The following RAD51B variants were observed in gnomAD, a reference collection of about 807,000 sequenced individuals.
RAD51B encodes the protein DNA repair protein RAD51 homolog 2.
Under a neutral mutation model 42.2 loss-of-function variants are expected in RAD51B, and 38 were observed. That is an observed-to-expected ratio of 0.90 (90% confidence interval 0.70 to 1.18). The LOEUF (loss-of-function observed/expected upper bound fraction) is 1.18, where lower values mean the gene tolerates loss of function less well. Ranked by LOEUF, RAD51B falls within the 50% of genes most tolerant of loss-of-function variation. The probability of loss-of-function intolerance (pLI) is 0.00; values close to 1 mark genes in which losing one functional copy is unlikely to be tolerated. For synonymous variants in RAD51B, 154 were observed against 145.2 expected (o/e 1.06, Z -0.43); for missense variants, 373 against 400.7 (o/e 0.93, Z 0.59).
intron 7 of RAD51B, among the ~76,000 whole-genome samples, chr14:67,967,295 A>C (rs1013089318): frequency 4.6e-5 from 7 of 152,120 alleles, no homozygotes; most frequent in Admixed American, 2.0e-4. Context: ...AGAGAGCCAA[A>C]CCTCATTCAG....
At chr14:67,851,264 G>A (rs1409747841) in intron 4 of RAD51B, among the ~76,000 whole-genome samples, 1 of 152,122 alleles carries the variant, frequency 6.6e-6, no homozygotes, top group Non-Finnish European at 1.5e-5. Flanking sequence ...AGTCTTGATG[G>A]GGCTGGATTG....
chr14:68,385,039 C>T (rs115849242), intron 8 of RAD51B, among the ~76,000 whole-genome samples: 1 of 152,134 alleles, frequency 6.6e-6, no homozygotes, highest in East Asian at 1.9e-4. Context: ...CAGAGATGGG[C>T]GAGTTAAGTT....
At chr14:68,113,346 G>A (rs1417974793) in intron 7 of RAD51B, among the ~76,000 whole-genome samples, 1 of 152,106 alleles carries the variant, frequency 6.6e-6, no homozygotes, top group African/African-American at 2.4e-5. Context: ...GTTCATAGAT[G>A]AAGAATTATA....
intron 10 of RAD51B, among the ~76,000 whole-genome samples, chr14:68,649,641 A>G (rs1892658929): frequency 6.6e-6 from 1 of 152,220 alleles, no homozygotes; most frequent in African/African-American, 2.4e-5. Context: ...ATCGTTGGTT[A>G]GCCAATAGAT....
intron 10 of RAD51B, among the ~76,000 whole-genome samples, chr14:68,522,454 T>C (rs1264163129): frequency 6.6e-6 from 1 of 152,138 alleles, no homozygotes; most frequent in Non-Finnish European, 1.5e-5. Flanking sequence ...ACCCTCACCG[T>C]TTCTGGGATG....
intron 7 of RAD51B, among the ~76,000 whole-genome samples, chr14:68,117,262 T>C (rs1190639448): frequency 1.3e-5 from 2 of 152,184 alleles, no homozygotes; most frequent in African/African-American, 4.8e-5. Context: ...CACAAAGGCC[T>C]TCCAACACAA....
At position 67,868,435 on chromosome 14, in the gene RAD51B, A is replaced by G. The variant is rs562657646; in HGVS notation, c.452+3296A>G. 7.1e-4 allele frequency among the ~76,000 whole-genome samples: 108 copies of G among 152,340 alleles called. 1 individual carries two copies. Among genetic ancestry groups the G allele is most frequent in the African/African-American group, 2.1e-3 (88 of 41,584 alleles). On this transcript the variant is annotated intron_variant, in intron 5 of 10. Transcript: ENST00000471583. ...TCCCGCACCTGGCTCAGAGGGTCCT[A>G]CGCCCATGGAGTCTCACTGATTGCT...
At chr14:67,962,262 C>T (rs1249678924) in intron 7 of RAD51B, among the ~76,000 whole-genome samples, 3 of 151,866 alleles carry the variant, frequency 2.0e-5, no homozygotes, top group African/African-American at 7.3e-5. Context: ...GGAAGTGGAC[C>T]CAACAAATCA....
chr14:68,498,903 G>A, intron 10 of RAD51B, among the ~76,000 whole-genome samples: 1 of 152,200 alleles, frequency 6.6e-6, no homozygotes, highest in East Asian at 1.9e-4. Flanking sequence ...CAGGGGACTG[G>A]GAACCCCTGG....
chr14:68,466,316 A>G (rs572926514), intron 9 of RAD51B, among the ~76,000 whole-genome samples: 1 of 152,310 alleles, frequency 6.6e-6, no homozygotes, highest in South Asian at 2.1e-4. Flanking sequence ...AGTGACAGGT[A>G]TTTTGTATAC....
rs765471138 is a variant in RAD51B at position 68,025,476 on chromosome 14, C to CTT, written c.756+138294_756+138295dup. Among the ~76,000 whole-genome samples the CTT allele has an allele frequency of 3.5e-3, 143 of 40,934 alleles. 1 individual carries two copies. Among genetic ancestry groups the CTT allele is most frequent in the Non-Finnish European group, 4.6e-3 (96 of 20,936 alleles). The allele number at this position is 40,934 out of a possible 152,430, so 26.9% of individuals were successfully genotyped here. On this transcript the variant is annotated intron_variant, in intron 7 of 10. Coordinates refer to ENST00000471583, the MANE Select transcript of RAD51B (RefSeq NM_133510.4). The stretch of plus-strand genomic sequence containing the variant: ...TGGCTGTGAATCCATCTGGTCTAGG[C>CTT]TTTTTTTTTTTTTTTTTTTTTTTGG...
At chr14:68,079,582 T>A (rs1363443046) in intron 7 of RAD51B, among the ~76,000 whole-genome samples, 2 of 152,210 alleles carry the variant, frequency 1.3e-5, no homozygotes, top group Non-Finnish European at 2.9e-5. Context: ...TATTTTAGAA[T>A]GTGAATGAGC....
chr14:68,490,306 C>T lies in RAD51B; in HGVS notation c.1036+22056C>T, dbSNP rs544965332. 2.6e-5 allele frequency among the ~76,000 whole-genome samples: 4 copies of T among 152,166 alleles called. No individual in the cohort carries two copies. In the East Asian group the frequency reaches 7.7e-4, roughly 29 times the overall value. The stretch of plus-strand genomic sequence containing the variant: ...TTATGTCATTGAAAATTAAAAATTT[C>T]TAGAGAGACTTTCAATGTGGAAATG... On this transcript the variant is annotated intron_variant, in intron 10 of 10. Transcript: ENST00000487270.
rs188429874 is a variant in RAD51B, at chr14:68,464,135, C to T, written c.958-4037C>T. Among the ~76,000 whole-genome samples the T allele has an allele frequency of 7.4e-4, 112 of 152,290 alleles. No homozygotes were observed. In the East Asian group the frequency reaches 0.02, roughly 28 times the overall value. On this transcript the variant is annotated intron_variant, in intron 9 of 10. Transcript: ENST00000471583. ...TGTAGGATTTGTTCCAACATTCTAA[C>T]CAAATTGAGATTTGTTTTGATATCA... is the stretch of plus-strand genomic sequence containing the variant.
At chr14:68,388,078 G>GTGTATATA (rs1555402265) in intron 8 of RAD51B, among the ~76,000 whole-genome samples, 1 of 112,234 alleles carries the variant, frequency 8.9e-6, no homozygotes, top group Non-Finnish European at 1.7e-5. Flanking sequence ...GTGTGTGTGT[G>GTGTATATA]TATATATATA....
intron 3 of RAD51B, among the ~76,000 whole-genome samples, chr14:67,831,043 T>C (rs1356358900): frequency 7.2e-6 from 1 of 138,870 alleles, no homozygotes; most frequent in Non-Finnish European, 1.6e-5. Flanking sequence ...GCCCGGTTAA[T>C]TTTTTATATT....
chr14:68,470,961 T>A (rs1028763941), intron 10 of RAD51B, among the ~76,000 whole-genome samples: 5 of 152,186 alleles, frequency 3.3e-5, no homozygotes, highest in African/African-American at 1.2e-4. Flanking sequence ...TCTTACCACA[T>A]GACCAAACTA....
At chr14:67,934,257 G>A (rs1471182041) in intron 7 of RAD51B, among the ~76,000 whole-genome samples, 2 of 152,182 alleles carry the variant, frequency 1.3e-5, no homozygotes, top group Admixed American at 6.5e-5. Context: ...GCAATTGCCT[G>A]TGAGAGCAGC....
intron 7 of RAD51B, among the ~76,000 whole-genome samples, chr14:68,222,009 G>C (rs975619936): frequency 6.6e-6 from 1 of 152,142 alleles, no homozygotes; most frequent in African/African-American, 2.4e-5. Context: ...ACTCCTGCAA[G>C]AATGGCCATA....
Sources: gnomAD v4.1 joint callset for allele counts (sites outside exome capture counted in the v4.1 genomes callset) on GRCh38, gnomAD v4.1.1 for gene constraint, MANE v1.5 for transcripts, NCBI Gene and HGNC (gene_info 2026-07-23, HGNC 2026-07-21) for gene names.